Variants in VRTN observed in about 807,000 individuals in gnomAD.
VRTN encodes vertebrae development associated.
A neutral mutation model predicts 18.2 loss-of-function variants in VRTN; 5 were observed. That is an observed-to-expected ratio of 0.27 (90% CI 0.14 to 0.58). The LOEUF (loss-of-function observed/expected upper bound fraction) is 0.58. Among genes scored for constraint, VRTN ranks in the 20% least tolerant of loss-of-function variants. The probability of loss-of-function intolerance (pLI) is 0.91; values close to 1 mark genes in which losing one functional copy is unlikely to be tolerated. For missense variants in VRTN, 741 were observed against 939.4 expected, an observed-to-expected ratio of 0.79 and a Z score of 2.76; for synonymous variants, 381 against 393.7, an observed-to-expected ratio of 0.97 and a Z score of 0.38.
intron 1 of VRTN, among the ~76,000 whole-genome samples, chr14:74,310,517 G>C (rs925721342): frequency 4.0e-5 from 6 of 150,954 alleles, no homozygotes; most frequent in African/African-American, 1.2e-4. Flanking sequence ...TGTGACCTTG[G>C]GGGCATGCTG....
chr14:74,313,228 G>C (rs1168900534), intron 1 of VRTN, among the ~76,000 whole-genome samples: 1 of 152,018 alleles, frequency 6.6e-6, no homozygotes, highest in African/African-American at 2.4e-5. Context: ...CCAATACCCA[G>C]CCCAGCGCCT....
At position 74,358,369 on chromosome 14, in the gene VRTN, T is replaced by C. The variant is rs765452631; in HGVS notation, c.1586T>C (p.Phe529Ser). 1 of 1,613,822 alleles carries C rather than the reference T, an allele frequency of 6.2e-7. No homozygotes were observed. Among genetic ancestry groups the C allele is most frequent in the South Asian group, 1.1e-5 (1 of 91,086 alleles). The change falls in exon 2 of 2, where the codon TTC becomes TCC. Residue 529 changes from phenylalanine (F) to serine (S), a missense_variant. Coordinates refer to ENST00000256362, the MANE Select transcript of VRTN (RefSeq NM_018228.3). This position sits in a 1 kb window ranked among gnomAD's most constrained non-coding sequence, Gnocchi z 5.4. ...AGTGGGCATCTCCCTTTCTGCCGCT[T>C]CCGCCTCCGCTACCCCAGCCTGTCA... ...VLSGHLPFCRFRLRYPSLSPS... is the reference protein window; with the variant it reads ...VLSGHLPFCRSRLRYPSLSPS...
chr14:74,341,589 G>T (rs949107782), intron 2 of VRTN, among the ~76,000 whole-genome samples: 1 of 152,176 alleles, frequency 6.6e-6, no homozygotes, highest in Non-Finnish European at 1.5e-5. Context: ...CACCTTCTTG[G>T]CTCACTGCAA....
At chr14:74,328,403 C>T (rs1271790926) in intron 1 of VRTN, among the ~76,000 whole-genome samples, 2 of 152,138 alleles carry the variant, frequency 1.3e-5, no homozygotes, top group East Asian at 3.8e-4. Flanking sequence ...AAAGTGCTGC[C>T]TTCAATTACC....
At chr14:74,350,179 G>C (rs74384853) in intron 1 of VRTN, among the ~76,000 whole-genome samples, 1 of 152,108 alleles carries the variant, frequency 6.6e-6, no homozygotes, top group Non-Finnish European at 1.5e-5. Context: ...GCTTCCCCGT[G>C]CAGCCCCTAC....
chr14:74,306,145 C>CACAT (rs2085347164), intron 1 of VRTN: 2 of 94,630 alleles, frequency 2.1e-5, no homozygotes, highest in Non-Finnish European at 3.8e-5. Flanking sequence ...TAAAAATATA[C>CACAT]ATATATATAT....
intron 1 of VRTN, among the ~76,000 whole-genome samples, chr14:74,304,386 C>A (rs2085284869): frequency 6.6e-6 from 1 of 152,274 alleles, no homozygotes; most frequent in South Asian, 2.1e-4. Flanking sequence ...GAACTCCCGA[C>A]CTCAGGTGAT....
chr14:74,338,701 C>T (rs1360272921), intron 2 of VRTN, among the ~76,000 whole-genome samples: 2 of 150,436 alleles, frequency 1.3e-5, no homozygotes, highest in African/African-American at 4.9e-5. Flanking sequence ...ACTATAGTTG[C>T]ATGCCACCAC....
chr14:74,306,173 T>TATATATATATATATATATATGTATG (rs1491480014), intron 1 of VRTN: 30 of 48,030 alleles, frequency 6.2e-4, no homozygotes, highest in African/African-American at 3.0e-3. Context: ...TATATATATA[T>TATATATATATATATATATATGTATG]TTTTTTTTTT....
rs1034954484 is a variant in VRTN, at chr14:74,356,839, T to C, written c.56T>C (p.Val19Ala). The change falls in exon 2 of 2, where the codon GTG becomes GCG. Residue 19 changes from valine to alanine, a missense_variant. Physicochemically the swap from Val to Ala is moderately conservative, Grantham distance 64 (BLOSUM62 0). Transcript: ENST00000256362. ...GTGCTGCAGGAGCTGCAGGAAGCAG[T>C]GGAGTGCGAAGGCCTGGAGGGTCTC... ...QKVLQELQEA[V>A]ECEGLEGLIG... 1.1e-5 allele frequency: 17 copies of C among 1,612,764 alleles called. No homozygotes were observed. The highest frequency in any genetic ancestry group is 1.4e-5 in the Non-Finnish European group (17 of 1,179,414).
chr14:74,302,996 A>G (rs1180996774), upstream of VRTN: 2 of 1,355,244 alleles, frequency 1.5e-6, no homozygotes, highest in East Asian at 2.9e-5. Flanking sequence ...GGCCCCGGCT[A>G]CCACAGAGAC....
At chr14:74,304,921 T>C (rs2085329075) in intron 1 of VRTN, among the ~76,000 whole-genome samples, 1 of 152,218 alleles carries the variant, frequency 6.6e-6, no homozygotes, top group Non-Finnish European at 1.5e-5. Context: ...GTCACCTCTC[T>C]AGGGTAATCT....
chr14:74,327,215 C>G (rs2085493599), intron 1 of VRTN, among the ~76,000 whole-genome samples: 1 of 152,124 alleles, frequency 6.6e-6, no homozygotes, highest in African/African-American at 2.4e-5. Context: ...CACCACAGCC[C>G]AAGGTGAAAT....
upstream of VRTN, among the ~76,000 whole-genome samples, chr14:74,348,038 T>C (rs950306774): frequency 6.6e-5 from 10 of 152,158 alleles, no homozygotes; most frequent in African/African-American, 2.4e-4. Flanking sequence ...CTGGGGTTGG[T>C]GAGAGCTGCC....
intron 1 of VRTN, chr14:74,306,153 TATATATA>T: frequency 1.5e-5 from 1 of 67,910 alleles, no homozygotes; most frequent in African/African-American, 8.9e-5. Context: ...TACATATATA[TATATATA>T]TATATATATA....
intron 1 of VRTN, among the ~76,000 whole-genome samples, chr14:74,335,567 A>G (rs546405538): frequency 6.6e-6 from 1 of 152,170 alleles, no homozygotes; most frequent in East Asian, 1.9e-4. Flanking sequence ...TAATGAACCT[A>G]TATTATTATA....
chr14:74,339,926 A>G (rs887141123), intron 2 of VRTN, among the ~76,000 whole-genome samples: 13 of 152,104 alleles, frequency 8.5e-5, no homozygotes, highest in African/African-American at 3.1e-4. Flanking sequence ...TGTGTTGTAG[A>G]ATGAATGAGA....
intron 1 of VRTN, among the ~76,000 whole-genome samples, chr14:74,306,925 CT>C (rs34870015): frequency 2.0e-5 from 3 of 151,780 alleles, no homozygotes. Context: ...TTTAATCTGT[CT>C]TTTTACATTG....
At chr14:74,355,855 G>C (rs571081535) in intron 1 of VRTN, among the ~76,000 whole-genome samples, 63 of 148,890 alleles carry the variant, frequency 4.2e-4, no homozygotes, top group African/African-American at 1.6e-3. Context: ...TTCTGAGACA[G>C]AGTCTCATTC....
Sources: allele counts gnomAD v4.1 joint callset (sites outside exome capture counted in the v4.1 genomes callset), GRCh38; gene constraint gnomAD v4.1.1; non-coding constraint Gnocchi (gnomAD v3.1); transcripts MANE v1.5; gene names NCBI Gene and HGNC (gene_info 2026-07-23, HGNC 2026-07-21).